The following UNC5D variants were observed in gnomAD, a reference collection of about 807,000 sequenced individuals.
UNC5D encodes the protein unc-5 netrin receptor D, also known as netrin receptor UNC5D.
A neutral mutation model predicts 105.4 loss-of-function variants in UNC5D; 39 were observed. That is an observed-to-expected ratio of 0.37 (90% CI 0.29 to 0.48). UNC5D has a LOEUF of 0.48. Among genes scored for constraint, UNC5D ranks in the 20% least tolerant of loss-of-function variants. The probability of loss-of-function intolerance (pLI) is 0.98; values close to 1 mark genes in which losing one functional copy is unlikely to be tolerated. For missense variants in UNC5D, 991 were observed against 1,202.4 expected (o/e 0.82, Z 2.60); for synonymous variants, 452 against 450.4 (o/e 1.00, Z -0.04).
At chr8:35,647,527 A>G (rs950024172) in intron 4 of UNC5D, among the ~76,000 whole-genome samples, 1 of 152,096 alleles carries the variant, frequency 6.6e-6, no homozygotes, top group Non-Finnish European at 1.5e-5. Flanking sequence ...CATAGTCTTC[A>G]TGTTAGGGAA....
chr8:35,749,221 G>A (rs1217335710), intron 12 of UNC5D, among the ~76,000 whole-genome samples: 1 of 152,154 alleles, frequency 6.6e-6, no homozygotes, highest in Non-Finnish European at 1.5e-5. Context: ...CTGTGTGTAT[G>A]AGTGCAAACA....
At chr8:35,775,056 G>A (rs1207530288) in intron 16 of UNC5D, among the ~76,000 whole-genome samples, 1 of 152,092 alleles carries the variant, frequency 6.6e-6, no homozygotes, top group Non-Finnish European at 1.5e-5. Flanking sequence ...ACCCAAATGG[G>A]CGATTAGACT....
intron 4 of UNC5D, among the ~76,000 whole-genome samples, chr8:35,620,826 T>G (rs1431179492): frequency 6.6e-6 from 1 of 152,188 alleles, no homozygotes; most frequent in African/African-American, 2.4e-5. Flanking sequence ...CCTAAGGCAA[T>G]TAAGGGCAGC....
chr8:35,678,993 C>T (rs1232627457), intron 4 of UNC5D, among the ~76,000 whole-genome samples: 2 of 152,058 alleles, frequency 1.3e-5, no homozygotes, highest in Non-Finnish European at 2.9e-5. Context: ...TGATTCATGC[C>T]AGTAATCCCA....
At chr8:35,345,653 G>A (rs1453089363) in intron 1 of UNC5D, among the ~76,000 whole-genome samples, 1 of 151,864 alleles carries the variant, frequency 6.6e-6, no homozygotes, top group Non-Finnish European at 1.5e-5. Flanking sequence ...TATATCTCTG[G>A]GACTTTGCTA....
chr8:35,405,193 T>A (rs188585218), intron 1 of UNC5D, among the ~76,000 whole-genome samples: 2 of 152,256 alleles, frequency 1.3e-5, no homozygotes, highest in East Asian at 3.9e-4. Flanking sequence ...TAGTGGTAGC[T>A]GCATGCACCC....
Position 35,533,898 on chromosome 8 carries a change from C to G in UNC5D, c.104-15394C>G, listed in dbSNP as rs193159035. The stretch of plus-strand genomic sequence containing the variant: ...CCAAGTGAGGCAATGCCTCGCCATG[C>G]TTCGGCTTGCGCACGGTGCGCGCAC... On this transcript the variant is annotated intron_variant, in intron 1 of 16. Coordinates refer to ENST00000404895, the MANE Select transcript of UNC5D (RefSeq NM_080872.4). Among the ~76,000 whole-genome samples, 68 of 152,328 alleles carry G rather than the reference C, an allele frequency of 4.5e-4. No homozygotes were observed. The Middle Eastern group carries it at 0.01, about 23-fold the overall frequency.
chr8:35,511,122 A>T (rs541373232), intron 1 of UNC5D, among the ~76,000 whole-genome samples: 5 of 152,274 alleles, frequency 3.3e-5, no homozygotes, highest in Middle Eastern at 3.4e-3. Flanking sequence ...ATACCTTAAG[A>T]TCTATGTAAG....
chr8:35,673,302 G>A (rs2131287778), intron 4 of UNC5D, among the ~76,000 whole-genome samples: 1 of 152,310 alleles, frequency 6.6e-6, no homozygotes, highest in East Asian at 1.9e-4. Context: ...AGCAAGTAAT[G>A]GCCTGAACTA....
chr8:35,625,884 C>T (rs1391913147), intron 4 of UNC5D, among the ~76,000 whole-genome samples: 1 of 152,040 alleles, frequency 6.6e-6, no homozygotes, highest in Admixed American at 6.6e-5. Context: ...ATCTAAAAAC[C>T]CTGTTGAAAG....
At chr8:35,556,171 A>G (rs575621563) in intron 2 of UNC5D, among the ~76,000 whole-genome samples, 1 of 152,284 alleles carries the variant, frequency 6.6e-6, no homozygotes, top group Non-Finnish European at 1.5e-5. Flanking sequence ...AGTCAAGACT[A>G]TCCCTCAAAA....
At chr8:35,679,656 T>A (rs1825522267) in intron 4 of UNC5D, among the ~76,000 whole-genome samples, 1 of 152,172 alleles carries the variant, frequency 6.6e-6, no homozygotes, top group Non-Finnish European at 1.5e-5. Context: ...GAAAGTGGCG[T>A]GGTCTCATCC....
chr8:35,543,132 T>C (rs1198364328), intron 1 of UNC5D, among the ~76,000 whole-genome samples: 1 of 152,182 alleles, frequency 6.6e-6, no homozygotes, highest in Non-Finnish European at 1.5e-5. Flanking sequence ...AGTTCTTTAG[T>C]TTTAGCAGAT....
intron 10 of UNC5D, among the ~76,000 whole-genome samples, chr8:35,728,685 C>A (rs116693345): frequency 6.6e-6 from 1 of 152,280 alleles, no homozygotes; most frequent in African/African-American, 2.4e-5. Context: ...TGCTCTAATG[C>A]CATCCATCCT....
At chr8:35,292,019 C>T (rs1277692054) in intron 1 of UNC5D, among the ~76,000 whole-genome samples, 3 of 152,180 alleles carry the variant, frequency 2.0e-5, no homozygotes, top group Non-Finnish European at 4.4e-5. Context: ...CCCATTTTGG[C>T]AAGCTAATTG....
At chr8:35,560,553 ATTGT>A (rs916048749) in intron 2 of UNC5D, among the ~76,000 whole-genome samples, 13 of 152,358 alleles carry the variant, frequency 8.5e-5, no homozygotes, top group East Asian at 7.7e-4. Flanking sequence ...TATTTAAAAA[ATTGT>A]TTGTCTTATT....
At chr8:35,677,787 TATGCTG>T (rs1825350999) in intron 4 of UNC5D, among the ~76,000 whole-genome samples, 1 of 151,456 alleles carries the variant, frequency 6.6e-6, no homozygotes, top group African/African-American at 2.4e-5. Flanking sequence ...TATATATATA[TATGCTG>T]ATATGCTGGG....
intron 8 of UNC5D, chr8:35,721,407 A>G: frequency 1.4e-6 from 1 of 702,852 alleles, no homozygotes; most frequent in Non-Finnish European, 2.6e-6. Context: ...CCCACATTCT[A>G]AATTCAAACT....
At chr8:35,746,085 C>T (rs757707755) in intron 11 of UNC5D, among the ~76,000 whole-genome samples, 6 of 152,218 alleles carry the variant, frequency 3.9e-5, no homozygotes, top group Admixed American at 6.5e-5. Flanking sequence ...ATTGTAACCC[C>T]CTTCCCCAGT....
Sources: allele counts gnomAD v4.1 joint callset (sites outside exome capture counted in the v4.1 genomes callset), GRCh38; gene constraint gnomAD v4.1.1; transcripts MANE v1.5; gene names NCBI Gene and HGNC (gene_info 2026-07-23, HGNC 2026-07-21).